Variants in KBTBD8 observed in about 807,000 individuals in gnomAD.
KBTBD8 encodes the protein kelch repeat and BTB domain containing 8.
In KBTBD8, 31 loss-of-function variants were observed where a neutral mutation model predicts 53.5. That is an observed-to-expected ratio of 0.58 (90% confidence interval 0.44 to 0.78). The LOEUF (loss-of-function observed/expected upper bound fraction) is 0.78, where lower values mean the gene tolerates loss of function less well. Among genes scored for constraint, KBTBD8 ranks in the 30% least tolerant of loss-of-function variants. The pLI is 0.00. For synonymous variants in KBTBD8, 250 were observed against 247.3 expected (o/e 1.01, Z -0.10); for missense variants, 642 against 735.8 (o/e 0.87, Z 1.48).
intron 3 of KBTBD8, among the ~76,000 whole-genome samples, 176 bp downstream of exon 3, chr3:67,004,485 TA>T (rs1179330277): frequency 1.3e-5 from 2 of 152,108 alleles, no homozygotes; most frequent in African/African-American, 4.8e-5. Context: ...ACTCTTGAAT[TA>T]AAAAAAGGCA....
intron 2 of KBTBD8, among the ~76,000 whole-genome samples, chr3:67,002,615 G>T (rs1408713963): frequency 7.1e-6 from 1 of 139,886 alleles, no homozygotes; most frequent in Non-Finnish European, 1.5e-5. Context: ...CGATTCTCCT[G>T]CCTCAGCCTC....
rs1702112374 is a variant in KBTBD8 at position 67,011,036 on chromosome 3, T to C, written c.*2651T>C. 1 of 152,656 alleles carries C rather than the reference T, an allele frequency of 6.6e-6. No homozygotes were observed. The highest frequency in any genetic ancestry group is 2.4e-5 in the African/African-American group (1 of 41,446). 9.5% of individuals were successfully genotyped at this position (152,656 alleles called of 1,614,324 possible). A position where few individuals can be genotyped will look rare whatever the true frequency, so the allele number is the denominator to read the frequency against. ...GATCATGAAGGAATCAGATTCCCTA[T>C]GTAAAGCAGTTTAAAATGGAATTCA... On this transcript the variant is annotated 3_prime_UTR_variant, in exon 4 of 4. Coordinates refer to ENST00000417314, the MANE Select transcript of KBTBD8 (RefSeq NM_032505.3).
At position 67,004,150 on chromosome 3, in the gene KBTBD8, A is replaced by G. The variant is rs146617674; in HGVS notation, c.1183A>G (p.Ile395Val). The G allele has an allele frequency of 2.1e-5, 34 of 1,614,214 alleles. No individual in the cohort carries two copies. Among genetic ancestry groups the G allele is most frequent in the East Asian group, 6.7e-5 (3 of 44,892 alleles). ...LVYCCGKMYA[I>V]GGRVYEGDGR... ...CTATTGCTGTGGTAAAATGTATGCA[A>G]TCGGAGGTCGTGTTTATGAAGGTGA... Residue 395 changes from isoleucine to valine, a missense_variant, in exon 3 of 4, where the codon ATC becomes GTC. Physicochemically the swap from Ile to Val is conservative, Grantham distance 29. Coordinates refer to ENST00000417314, the MANE Select transcript of KBTBD8 (RefSeq NM_032505.3).
intron 3 of KBTBD8, 31 bp downstream of exon 3, chr3:67,004,340 G>T: frequency 6.3e-7 from 1 of 1,591,388 alleles, no homozygotes; most frequent in Non-Finnish European, 8.6e-7. Context: ...GTTTTTCATG[G>T]AAGGGTAACA....
At chr3:67,005,399 T>C (rs68132762) in intron 3 of KBTBD8, among the ~76,000 whole-genome samples, 56,483 of 152,054 alleles carry the variant, frequency 0.37, 12,531 homozygotes, top group East Asian at 0.85. Flanking sequence ...TATGTTTAGA[T>C]ACAAAAATGC....
rs150886252 is a variant in KBTBD8 at position 67,000,764 on chromosome 3, A to G, written c.227+1573A>G. Among the ~76,000 whole-genome samples, 332 of 152,276 alleles carry G rather than the reference A, an allele frequency of 2.2e-3. 2 individuals are homozygous for G. Among genetic ancestry groups the G allele is most frequent in the African/African-American group, 7.8e-3 (323 of 41,578 alleles). On this transcript the variant is annotated intron_variant, in intron 2 of 3. Transcript: ENST00000417314. ...CAAAAACTGCAAAGTAAAAATGTCT[A>G]TATCTTACTGAAATTTAATAATCTG...
chr3:67,007,403 T>G (rs1180348626), intron 3 of KBTBD8, among the ~76,000 whole-genome samples: 1 of 151,368 alleles, frequency 6.6e-6, no homozygotes, highest in Non-Finnish European at 1.5e-5. Context: ...ACTGCATCCT[T>G]CACCTCCTGG....
Position 67,010,148 on chromosome 3 carries a change from C to T in KBTBD8, c.*1763C>T, listed in dbSNP as rs1702103908. Reference sequence around the variant, plus strand: ...TGTATAAACTTTGTCAACATTTTTACCTCCCCAGTTTTATCTTCTGTTTTG... The same window carrying T: ...TGTATAAACTTTGTCAACATTTTTATCTCCCCAGTTTTATCTTCTGTTTTG... On this transcript the variant is annotated 3_prime_UTR_variant, in exon 4 of 4. Coordinates refer to ENST00000417314, the MANE Select transcript of KBTBD8 (RefSeq NM_032505.3). 6.6e-6 allele frequency: 1 copy of T among 152,490 alleles called. No homozygotes were observed. Among genetic ancestry groups the T allele is most frequent in the Non-Finnish European group, 1.5e-5 (1 of 67,980 alleles). 9.4% of individuals were successfully genotyped at this position (152,490 alleles called of 1,614,324 possible). A position where few individuals can be genotyped will look rare whatever the true frequency, so the allele number is the denominator to read the frequency against.
At chr3:66,998,515 G>A in intron 1 of KBTBD8, 144 bp downstream of exon 1, 1 of 636,424 alleles carries the variant, frequency 1.6e-6, no homozygotes, top group Non-Finnish European at 2.4e-6. Flanking sequence ...GAAGAGGGAG[G>A]ATGAATGGTG....
chr3:67,003,851 A>G lies in KBTBD8; in HGVS notation c.884A>G (p.His295Arg), dbSNP rs1420944013. The change falls in exon 3 of 4, where the codon CAC becomes CGC. Residue 295 changes from histidine (H) to arginine (R), a missense_variant. Coordinates refer to ENST00000417314, the MANE Select transcript of KBTBD8 (RefSeq NM_032505.3). ...SEMIICFDAA[H>R]KHSGKKQTVP... ...ATGATCATATGTTTTGATGCTGCCC[A>G]CAAACACTCAGGAAAGAAGCAAACA... 6.2e-7 allele frequency: 1 copy of G among 1,614,120 alleles called. No individual in the cohort carries two copies.
Position 67,003,200 on chromosome 3 carries a change from T to C in KBTBD8, c.233T>C (p.Met78Thr). Reference protein sequence around the residue: ...LAAISPYFRSMFTSGLTESTQ... With the variant: ...LAAISPYFRSTFTSGLTESTQ... ...AACCACTCTTTCCTTCTTAGATCCA[T>C]GTTCACTAGCGGCCTTACAGAAAGT... The change falls in exon 3 of 4, where the codon ATG becomes ACG. Residue 78 changes from methionine (M) to threonine (T), a missense_variant. By Grantham distance (81) the Met-to-Thr change is moderately conservative. Transcript: ENST00000417314. 3 of 1,611,222 alleles carry C rather than the reference T, an allele frequency of 1.9e-6. No individual in the cohort carries two copies. The highest frequency in any genetic ancestry group is 1.7e-6 in the Non-Finnish European group (2 of 1,177,406).
chr3:67,002,767 C>G (rs779734692), intron 2 of KBTBD8, among the ~76,000 whole-genome samples: 3 of 151,986 alleles, frequency 2.0e-5, no homozygotes, highest in Non-Finnish European at 4.4e-5. Flanking sequence ...TCCTAAAGTG[C>G]TGGAATTACA....
Position 67,008,195 on chromosome 3 carries a change from G to A in KBTBD8, c.1616G>A (p.Arg539Gln), listed in dbSNP as rs530554608. 5 of 1,613,938 alleles carry A rather than the reference G, an allele frequency of 3.1e-6. No homozygotes were observed. The highest frequency in any genetic ancestry group is 1.3e-5 in the African/African-American group (1 of 74,970). The change falls in exon 4 of 4, where the codon CGA becomes CAA. Residue 539 changes from arginine to glutamine, a missense_variant. Arg to Gln is a conservative substitution (Grantham distance 43). Transcript: ENST00000417314. ...CAGAACAAACTCCATTTATTTGTTCGAGCTACTCAAGTGACTGTTGAAGAA... is the reference window on the plus strand; with the variant it reads ...CAGAACAAACTCCATTTATTTGTTCAAGCTACTCAAGTGACTGTTGAAGAA... ...LFQNKLHLFV[R>Q]ATQVTVEEHV...
At position 67,009,646 on chromosome 3, in the gene KBTBD8, A is replaced by C. The variant is rs1304799212; in HGVS notation, c.*1261A>C. 1 of 152,596 alleles carries C rather than the reference A, an allele frequency of 6.6e-6. No individual in the cohort carries two copies. Among genetic ancestry groups the C allele is most frequent in the Non-Finnish European group, 1.5e-5 (1 of 68,006 alleles). The allele number at this position is 152,596 out of a possible 1,614,324, so 9.5% of individuals were successfully genotyped here. On this transcript the variant is annotated 3_prime_UTR_variant, in exon 4 of 4. Coordinates refer to ENST00000417314, the MANE Select transcript of KBTBD8 (RefSeq NM_032505.3). Reference sequence around the variant, plus strand: ...TGAGTGAACAGAACCATAGCTTTCTAGGTACTAAAGCATTTTTTGCATTTA... The same window carrying C: ...TGAGTGAACAGAACCATAGCTTTCTCGGTACTAAAGCATTTTTTGCATTTA...
rs1702040677 is a variant in KBTBD8, at chr3:67,003,927, A to T, written c.960A>T (p.Pro320=). Residue 320 remains proline, a synonymous_variant, in exon 3 of 4, where the codon CCA becomes CCT. Coordinates refer to ENST00000417314, the MANE Select transcript of KBTBD8 (RefSeq NM_032505.3). ...GAAGGGTGTTTAAACTATGCAAACCACCAAATGACCTGAGAGAAGTTGGGA... is the reference window on the plus strand; with the variant it reads ...GAAGGGTGTTTAAACTATGCAAACCTCCAAATGACCTGAGAGAAGTTGGGA... The part of the protein sequence containing the change: ...VTGRVFKLCK[P]PNDLREVGIL... The T allele has an allele frequency of 6.2e-7, 1 of 1,614,060 alleles. No individual in the cohort carries two copies. The highest frequency in any genetic ancestry group is 8.5e-7 in the Non-Finnish European group (1 of 1,180,048).
At position 67,008,029 on chromosome 3, in the gene KBTBD8, T is replaced by A. The variant is rs1702084121; in HGVS notation, c.1450T>A (p.Tyr484Asn). The A allele has an allele frequency of 1.2e-6, 2 of 1,613,738 alleles. No homozygotes were observed. Among genetic ancestry groups the A allele is most frequent in the Non-Finnish European group, 1.7e-6 (2 of 1,179,812 alleles). The part of the protein sequence containing the change: ...GLAAVYKDSI[Y>N]YIAGTCGNHQ... ...AGCAGCTGTATACAAGGACTCTATC[T>A]ACTACATAGCTGGAACCTGTGGAAA... Residue 484 changes from tyrosine to asparagine, a missense_variant, in exon 4 of 4, where the codon TAC becomes AAC. Transcript: ENST00000417314.
At chr3:66,999,847 A>T (rs1702001632) in intron 2 of KBTBD8, among the ~76,000 whole-genome samples, 1 of 152,244 alleles carries the variant, frequency 6.6e-6, no homozygotes, top group Non-Finnish European at 1.5e-5. Context: ...AATTAATAAT[A>T]TCCAAGATTT....
chr3:67,006,990 G>A (rs1328876351), intron 3 of KBTBD8, among the ~76,000 whole-genome samples: 1 of 152,126 alleles, frequency 6.6e-6, no homozygotes, highest in Non-Finnish European at 1.5e-5. Flanking sequence ...AATCAAAATA[G>A]AAACTGACTC....
chr3:66,998,376 G>C lies in KBTBD8; in HGVS notation c.16+5G>C. ...GAGAAATGGCCGCGTCGGCAGGTGGGTCGTGTGGTGGCCAGGGCGGCGTGG... is the reference window on the plus strand; with the variant it reads ...GAGAAATGGCCGCGTCGGCAGGTGGCTCGTGTGGTGGCCAGGGCGGCGTGG... On this transcript the variant is annotated splice_donor_5th_base_variant and intron_variant, in intron 1 of 3. Transcript: ENST00000417314. 1 of 1,298,940 alleles carries C rather than the reference G, an allele frequency of 7.7e-7. No individual in the cohort carries two copies. The highest frequency in any genetic ancestry group is 9.8e-7 in the Non-Finnish European group (1 of 1,015,576). 80.5% of individuals were successfully genotyped at this position (1,298,940 alleles called of 1,614,324 possible). A position where few individuals can be genotyped will look rare whatever the true frequency, so the allele number is the denominator to read the frequency against.
Sources: gnomAD v4.1 joint callset for allele counts (sites outside exome capture counted in the v4.1 genomes callset) on GRCh38, gnomAD v4.1.1 for gene constraint, MANE v1.5 for transcripts, NCBI Gene and HGNC (gene_info 2026-07-23, HGNC 2026-07-21) for gene names.